PTCSC3: variants seen among roughly 807,000 people sequenced by gnomAD.
PTCSC3 encodes papillary thyroid carcinoma susceptibility candidate 3 (non-protein coding).
chr14:36,165,929 T>C (rs1882077099), intron 1 of PTCSC3, among the ~76,000 whole-genome samples: 1 of 152,170 alleles, frequency 6.6e-6, no homozygotes, highest in Admixed American at 6.5e-5. Flanking sequence ...ATATCAAATT[T>C]TATTGAAAAG....
intron 2 of PTCSC3, among the ~76,000 whole-genome samples, chr14:36,161,807 C>T (rs949624407): frequency 2.1e-4 from 32 of 152,210 alleles, no homozygotes; most frequent in Admixed American, 2.0e-4. Context: ...TTTAAGTCTG[C>T]TGAAGTTGCA....
rs369209746 is a variant in PTCSC3, at chr14:36,148,769, G to GAATT, written n.322+5031_322+5034dup. On this transcript the variant is annotated intron_variant and non_coding_transcript_variant, in intron 3 of 3. Transcript: ENST00000556013. Reference sequence around the variant, plus strand: ...TATGAGTTTTTATAGATCTTTTGAGGAATTAGCCCATTTTATCTAAATATT... The same window carrying GAATT: ...TATGAGTTTTTATAGATCTTTTGAGGAATTAATTAGCCCATTTTATCTAAATATT... Among the ~76,000 whole-genome samples the GAATT allele has an allele frequency of 3.3e-3, 506 of 152,258 alleles. 1 individual carries two copies. The highest frequency in any genetic ancestry group is 0.012 in the African/African-American group (481 of 41,548).
At chr14:36,148,075 A>G (rs1186411895) in intron 3 of PTCSC3, among the ~76,000 whole-genome samples, 2 of 152,130 alleles carry the variant, frequency 1.3e-5, no homozygotes, top group African/African-American at 4.8e-5. Flanking sequence ...AAGCTGTCAG[A>G]CAGGGACATT....
Position 36,140,591 on chromosome 14 carries a change from GA to G in PTCSC3, n.323-4236del, listed in dbSNP as rs764938607. ...CAATTCCCTAATGACATGTGATGCTGAACATATTTTCATATGATCATTTGCC... is the reference window on the plus strand; with the variant it reads ...CAATTCCCTAATGACATGTGATGCTGACATATTTTCATATGATCATTTGCC... On this transcript the variant is annotated intron_variant and non_coding_transcript_variant, in intron 3 of 3. Coordinates refer to ENST00000556013, the Ensembl canonical transcript of PTCSC3. 1.5e-3 allele frequency among the ~76,000 whole-genome samples: 229 copies of G among 152,268 alleles called. 1 individual carries two copies. The Middle Eastern group carries it at 0.031, about 20-fold the overall frequency.
chr14:36,158,037 C>A (rs1310981317), intron 2 of PTCSC3, among the ~76,000 whole-genome samples: 1 of 152,118 alleles, frequency 6.6e-6, no homozygotes, highest in African/African-American at 2.4e-5. Context: ...TGGGAGTTCA[C>A]TCGTGATTTG....
intron 1 of PTCSC3, among the ~76,000 whole-genome samples, chr14:36,171,399 T>A (rs1272280820): frequency 1.3e-5 from 2 of 152,130 alleles, no homozygotes; most frequent in Non-Finnish European, 2.9e-5. Context: ...TGAGGCGATA[T>A]TTGTGAATAC....
intron 2 of PTCSC3, among the ~76,000 whole-genome samples, chr14:36,160,064 C>G (rs1881921805): frequency 6.6e-6 from 1 of 151,922 alleles, no homozygotes; most frequent in African/African-American, 2.4e-5. Context: ...TTTGTTTTTG[C>G]TCTCCATTTG....
intron 2 of PTCSC3, among the ~76,000 whole-genome samples, chr14:36,156,738 T>A (rs1314996473): frequency 6.6e-6 from 1 of 152,186 alleles, no homozygotes; most frequent in African/African-American, 2.4e-5. Flanking sequence ...GCAAAGGACA[T>A]GAACTCATCC....
At chr14:36,171,285 A>T (rs551260941) in intron 1 of PTCSC3, among the ~76,000 whole-genome samples, 1 of 152,262 alleles carries the variant, frequency 6.6e-6, no homozygotes, top group East Asian at 1.9e-4. Context: ...TCTAGCTGCC[A>T]TTCTTTTGAG....
intron 3 of PTCSC3, among the ~76,000 whole-genome samples, chr14:36,148,467 A>T (rs1881643388): frequency 6.6e-6 from 1 of 152,152 alleles, no homozygotes; most frequent in Non-Finnish European, 1.5e-5. Context: ...TCGGAAAGGG[A>T]ACTCCCTGAC....
intron 1 of PTCSC3, among the ~76,000 whole-genome samples, chr14:36,170,209 A>G (rs1054535088): frequency 5.9e-5 from 9 of 151,980 alleles, no homozygotes; most frequent in Non-Finnish European, 1.5e-5. Flanking sequence ...ATTAATAAAT[A>G]TCTTCTGTAG....
intron 3 of PTCSC3, among the ~76,000 whole-genome samples, chr14:36,148,080 G>T (rs1360900163): frequency 6.6e-6 from 1 of 152,120 alleles, no homozygotes; most frequent in Non-Finnish European, 1.5e-5. Context: ...GTCAGACAGG[G>T]ACATTTAAGT....
chr14:36,170,733 G>A (rs190598868), intron 1 of PTCSC3, among the ~76,000 whole-genome samples: 1 of 152,140 alleles, frequency 6.6e-6, no homozygotes, highest in East Asian at 1.9e-4. Flanking sequence ...CCTTTCCCAG[G>A]TTGCCAATGT....
intron 3 of PTCSC3, among the ~76,000 whole-genome samples, chr14:36,148,638 C>T (rs1347868894): frequency 1.3e-5 from 2 of 152,242 alleles, no homozygotes; most frequent in African/African-American, 4.8e-5. Context: ...CTTGCTCACG[C>T]TGGTAGCTGT....
chr14:36,151,925 G>C (rs767285892), intron 3 of PTCSC3, among the ~76,000 whole-genome samples: 1 of 152,176 alleles, frequency 6.6e-6, no homozygotes, highest in Non-Finnish European at 1.5e-5. Flanking sequence ...GTGATAAACT[G>C]GTGGGTCTTT....
chr14:36,138,011 T>G (rs1393785109), intron 3 of PTCSC3, among the ~76,000 whole-genome samples: 4 of 152,154 alleles, frequency 2.6e-5, no homozygotes, highest in Non-Finnish European at 4.4e-5. Flanking sequence ...GGCTTAAGTG[T>G]GAACCCTGGA....
At chr14:36,147,541 G>C (rs1273220583) in intron 3 of PTCSC3, among the ~76,000 whole-genome samples, 8 of 152,032 alleles carry the variant, frequency 5.3e-5, no homozygotes. Flanking sequence ...TCTCTGTATG[G>C]TTATTCTAGT....
intron 2 of PTCSC3, among the ~76,000 whole-genome samples, chr14:36,156,126 T>G (rs1489733319): frequency 1.3e-5 from 2 of 152,250 alleles, no homozygotes; most frequent in Non-Finnish European, 2.9e-5. Flanking sequence ...ATATGGTCTG[T>G]GGGTTCTGCC....
intron 1 of PTCSC3, among the ~76,000 whole-genome samples, chr14:36,163,030 A>T (rs1453411827): frequency 6.6e-6 from 1 of 152,168 alleles, no homozygotes. Flanking sequence ...ACTGAAAAAT[A>T]AAGCAAGGTT....
Sources: gnomAD v4.1 joint callset for allele counts (sites outside exome capture counted in the v4.1 genomes callset) on GRCh38, gnomAD v4.1.1 for gene constraint, MANE v1.5 for transcripts, NCBI Gene and HGNC (gene_info 2026-07-23, HGNC 2026-07-21) for gene names.